The following RGL3 variants were observed in gnomAD, a reference collection of about 807,000 sequenced individuals.
The protein encoded by RGL3 is ral guanine nucleotide dissociation stimulator-like 3.
In RGL3, 85 loss-of-function variants were observed where a neutral mutation model predicts 90.6. The observed-to-expected ratio is 0.94, with a 90% CI of 0.79 to 1.12. RGL3 has a LOEUF of 1.12. Ranked by LOEUF, RGL3 falls within the 50% of genes most tolerant of loss-of-function variation. The pLI is 0.00. For missense variants in RGL3, 1,034 were observed against 939.2 expected, an observed-to-expected ratio of 1.10 and a Z score of -1.32; for synonymous variants, 408 against 385.5, an observed-to-expected ratio of 1.06 and a Z score of -0.68.
chr19:11,418,985 G>T, intron 1 of RGL3: 1 of 616,178 alleles, frequency 1.6e-6, no homozygotes, highest in Non-Finnish European at 2.8e-6. Context: ...TGAGGACATG[G>T]GGTGGCATTT....
chr19:11,406,312 C>A lies in RGL3; in HGVS notation c.996+107G>T. On this transcript the variant is annotated intron_variant, in intron 7 of 18. Coordinates refer to ENST00000380456, the MANE Select transcript of RGL3 (RefSeq NM_001035223.4). ...CACCCTAGGTATCAACTTTCCACCC[C>A]GTTCCCTCCCTCGCCTAGACTCGCC... The A allele has an allele frequency of 2.6e-6, 3 of 1,148,620 alleles. No homozygotes were observed. In the East Asian group the frequency reaches 7.7e-5, roughly 30 times the overall value. The allele number at this position is 1,148,620 out of a possible 1,614,324, so 71.2% of individuals were successfully genotyped here.
In RGL3 at chr19:11,415,952, GC is replaced by G; in HGVS notation, c.621del (p.Pro208LeufsTer48). ...AACCCCTCACCTGTCCACACCTGAGGCGGCTCCTCTTCCTGCTCTCGCTCAG... is the reference window on the plus strand; with the variant it reads ...AACCCCTCACCTGTCCACACCTGAGGGGCTCCTCTTCCTGCTCTCGCTCAG... ...EEAEREQEEEPPQVWTGPPRV... is the reference protein window; with the variant it reads ...EEAEREQEEEXPQVWTGPPRV... On this transcript the variant is annotated frameshift_variant, in exon 5 of 19. Coordinates refer to ENST00000380456, the MANE Select transcript of RGL3 (RefSeq NM_001035223.4). LOFTEE classifies it high-confidence loss of function. 1 of 1,613,580 alleles carries G rather than the reference GC, an allele frequency of 6.2e-7. No homozygotes were observed. Among genetic ancestry groups the G allele is most frequent in the Non-Finnish European group, 8.5e-7 (1 of 1,179,802 alleles).
At chr19:11,416,458 C>T (rs1393931624) in intron 4 of RGL3, 156 bp downstream of exon 4, 1 of 791,102 alleles carries the variant, frequency 1.3e-6, no homozygotes, top group East Asian at 2.5e-5. Context: ...CTCGGCCTCC[C>T]AAAGTGTTGG....
At chr19:11,418,235 C>T (rs1969037289) in intron 2 of RGL3, among the ~76,000 whole-genome samples, 1 of 127,954 alleles carries the variant, frequency 7.8e-6, no homozygotes, top group Non-Finnish European at 1.7e-5. Flanking sequence ...CTCCCGTCCC[C>T]TCCCCCCACC....
intron 4 of RGL3, 156 bp from the exon 5 acceptor site, chr19:11,416,304 A>G: frequency 1.5e-6 from 1 of 646,070 alleles, no homozygotes; most frequent in South Asian, 2.2e-5. Flanking sequence ...CTGCAACCTC[A>G]GCCTCCCGAG....
chr19:11,397,210 C>G (rs965253585), intron 18 of RGL3, 34 bp downstream of exon 18: 2 of 1,588,120 alleles, frequency 1.3e-6, no homozygotes, highest in Non-Finnish European at 1.7e-6. Context: ...TCCCCGCTGC[C>G]CCCTATCCTG....
chr19:11,416,376 T>C (rs1968998228), intron 4 of RGL3: 1 of 617,150 alleles, frequency 1.6e-6, no homozygotes, highest in Non-Finnish European at 2.8e-6. Context: ...TTGTTGTATT[T>C]TTAGTAGAGA....
intron 1 of RGL3, 106 bp from the exon 2 acceptor site, chr19:11,418,890 C>T (rs1366897811): frequency 2.2e-6 from 2 of 900,390 alleles, no homozygotes; most frequent in South Asian, 1.8e-5. Flanking sequence ...CATCCCCACG[C>T]CCCTTCCCGG....
rs1247390280 is a variant in RGL3 at position 11,405,846 on chromosome 19, C to T, written c.997-420G>A. Reference sequence around the variant, plus strand: ...AAGTAGCTGGGATTACAGGGGCACACCACCACACCCGGCTAATTTTTTTGT... The same window carrying T: ...AAGTAGCTGGGATTACAGGGGCACATCACCACACCCGGCTAATTTTTTTGT... On this transcript the variant is annotated intron_variant, in intron 7 of 18. Coordinates refer to ENST00000380456, the MANE Select transcript of RGL3 (RefSeq NM_001035223.4). 3.3e-5 allele frequency among the ~76,000 whole-genome samples: 5 copies of T among 151,506 alleles called. No homozygotes were observed. In the East Asian group the frequency reaches 9.7e-4, roughly 29 times the overall value.
Position 11,402,054 on chromosome 19 carries a change from G to C in RGL3, c.1441C>G (p.Leu481Val). 6.4e-7 allele frequency: 1 copy of C among 1,573,482 alleles called. No homozygotes were observed. Among genetic ancestry groups the C allele is most frequent in the East Asian group, 2.2e-5 (1 of 44,642 alleles). The change falls in exon 13 of 19, where the codon CTG becomes GTG. Residue 481 changes from leucine to valine, a missense_variant. By Grantham distance (32) the Leu-to-Val change is conservative (BLOSUM62 1). Coordinates refer to ENST00000380456, the MANE Select transcript of RGL3 (RefSeq NM_001035223.4). ...TGGTTCTGGGCATGCAGGGCAGCCA[G>C]GATGGGCGGGTGGGGGCTCAGGGTG... ...SYTLSPHPPI[L>V]AALHAQNQLT... is the part of the protein sequence containing the mutation.
At chr19:11,416,543 C>T (rs1969001580) in intron 4 of RGL3, 71 bp downstream of exon 4, 3 of 1,466,244 alleles carry the variant, frequency 2.0e-6, no homozygotes, top group African/African-American at 1.4e-5. Context: ...TTCAAAACCC[C>T]AGTCCGACTG....
chr19:11,409,775 ACT>A (rs1238624588), intron 5 of RGL3, among the ~76,000 whole-genome samples: 1 of 151,962 alleles, frequency 6.6e-6, no homozygotes, highest in Non-Finnish European at 1.5e-5. Context: ...GCACCGTGAC[ACT>A]CTACTGTGAC....
At chr19:11,402,727 A>C in intron 9 of RGL3, 21 bp from the exon 10 acceptor site, 1 of 1,610,798 alleles carries the variant, frequency 6.2e-7, no homozygotes. Flanking sequence ...AGAAAAACTG[A>C]GCCAGGTCTG....
chr19:11,418,913 A>T, intron 1 of RGL3, 129 bp from the exon 2 acceptor site: 1 of 760,666 alleles, frequency 1.3e-6, no homozygotes. Context: ...AGAAGCTGCG[A>T]GACTAGGGCT....
At chr19:11,399,695 T>C (rs12608612) in intron 16 of RGL3, among the ~76,000 whole-genome samples, 160 bp downstream of exon 16, 34,841 of 152,106 alleles carry the variant, frequency 0.23, 7,397 homozygotes, top group African/African-American at 0.57. Flanking sequence ...TGCAGATGCA[T>C]GCAATCCCCT....
chr19:11,396,052 C>G lies in RGL3; in HGVS notation c.2014+1192G>C, dbSNP rs1968559587. Among the ~76,000 whole-genome samples the G allele has an allele frequency of 2.7e-5, 4 of 146,278 alleles. No individual in the cohort carries two copies. The Admixed American group carries it at 2.8e-4, about 10-fold the overall frequency. Reference sequence around the variant, plus strand: ...AAGTGATCCTCCCACCTCAGCCTCCCCAGTAGTTGGAGTTGGGAATACAGG... The same window carrying G: ...AAGTGATCCTCCCACCTCAGCCTCCGCAGTAGTTGGAGTTGGGAATACAGG... On this transcript the variant is annotated intron_variant, in intron 18 of 18. Transcript: ENST00000380456.
At chr19:11,415,117 G>A (rs1397760118) in intron 5 of RGL3, among the ~76,000 whole-genome samples, 1 of 150,508 alleles carries the variant, frequency 6.6e-6, no homozygotes, top group Non-Finnish European at 1.5e-5. Context: ...GTAACAGTGC[G>A]AGACTCTGTC....
Position 11,402,128 on chromosome 19 carries a change from C to T in RGL3, c.1367G>A (p.Trp456Ter), listed in dbSNP as rs768804341. 1 of 1,609,212 alleles carries T rather than the reference C, an allele frequency of 6.2e-7. No individual in the cohort carries two copies. The highest frequency in any genetic ancestry group is 1.1e-5 in the South Asian group (1 of 90,532). ...LINFEKRRKE[W>*]EILARIQQLQ... is the part of the protein sequence containing the mutation. ...CTGCTGGATGCGGGCCAGGATCTCC[C>T]ACTCCTGGAGGACGAGCCTCTAAGA... Residue 456 changes from tryptophan (W) to a stop codon, truncating the protein, a stop_gained, in exon 13 of 19, where the codon TGG (tryptophan) becomes TAG (stop). Transcript: ENST00000380456. LOFTEE classifies it high-confidence loss of function.
intron 5 of RGL3, among the ~76,000 whole-genome samples, chr19:11,415,003 G>A (rs564704866): frequency 1.3e-5 from 2 of 151,968 alleles, no homozygotes; most frequent in Admixed American, 6.6e-5. Flanking sequence ...GGTGACATGC[G>A]CCTGTGGTCC....
Sources: gnomAD v4.1 joint callset for allele counts (sites outside exome capture counted in the v4.1 genomes callset) on GRCh38, gnomAD v4.1.1 for gene constraint, MANE v1.5 for transcripts, NCBI Gene and HGNC (gene_info 2026-07-23, HGNC 2026-07-21) for gene names.